Variants in RSBN1L observed in about 807,000 individuals in gnomAD.
RSBN1L encodes lysine-specific demethylase RSBN1L.
RSBN1L carries 30 observed loss-of-function variants against 67.7 expected under a neutral mutation model. The observed-to-expected ratio is 0.44, with a 90% CI of 0.33 to 0.60. The LOEUF (loss-of-function observed/expected upper bound fraction) is 0.60. RSBN1L is among the 20% of genes least tolerant of loss of function. The pLI, the probability that RSBN1L is intolerant of heterozygous loss-of-function variation, is 0.02. For synonymous variants in RSBN1L, 433 were observed against 387.0 expected, an observed-to-expected ratio of 1.12 and a Z score of -1.39; for missense variants, 992 against 1,031.7, an observed-to-expected ratio of 0.96 and a Z score of 0.53.
intron 2 of RSBN1L, among the ~76,000 whole-genome samples, chr7:77,743,804 A>G (rs1302805242): frequency 2.0e-5 from 3 of 151,956 alleles, no homozygotes; most frequent in Non-Finnish European, 4.4e-5. Flanking sequence ...GTTAAATTCT[A>G]TTTTTTATTG....
At position 77,778,960 on chromosome 7, in the gene RSBN1L, T is replaced by C; in HGVS notation, c.2333T>C (p.Leu778Pro). 1 of 1,613,914 alleles carries C rather than the reference T, an allele frequency of 6.2e-7. No homozygotes were observed. The highest frequency in any genetic ancestry group is 1.3e-5 in the African/African-American group (1 of 75,054). Residue 778 changes from leucine (L) to proline (P), a missense_variant, in exon 8 of 8, where the codon CTG becomes CCG. This residue lies in a region of RSBN1L where 199 missense variants were observed against 167.7 expected (regional missense o/e 1.19). Transcript: ENST00000334955. ...AATATTCCTGAAAAGACTACAGCAC[T>C]GAATAATATGGATGGCAAGAATGTT... ...NVNIPEKTTA[L>P]NNMDGKNVKA...
chr7:77,730,661 C>G (rs1487306070), intron 1 of RSBN1L, among the ~76,000 whole-genome samples: 2 of 152,134 alleles, frequency 1.3e-5, no homozygotes, highest in Middle Eastern at 3.2e-3. Flanking sequence ...GTTATGTAGC[C>G]TTTTCACACT....
At chr7:77,777,865 A>G (rs1250428918) in intron 6 of RSBN1L, among the ~76,000 whole-genome samples, 1 of 152,092 alleles carries the variant, frequency 6.6e-6, no homozygotes, top group African/African-American at 2.4e-5. Context: ...GTACTTTTCC[A>G]ATGAAGTCTC....
At chr7:77,757,935 G>A (rs1046840354) in intron 3 of RSBN1L, among the ~76,000 whole-genome samples, 3 of 152,078 alleles carry the variant, frequency 2.0e-5, no homozygotes, top group African/African-American at 7.2e-5. Context: ...TGGAAAAATA[G>A]ACTCCACTTC....
chr7:77,767,825 C>A (rs1399409014), intron 4 of RSBN1L, among the ~76,000 whole-genome samples: 4 of 58,202 alleles, frequency 6.9e-5, no homozygotes, highest in Non-Finnish European at 1.1e-4. Flanking sequence ...CCCCCTCCCC[C>A]CTTCTCCCTC....
intron 1 of RSBN1L, among the ~76,000 whole-genome samples, chr7:77,715,559 G>A (rs1304187907): frequency 2.0e-5 from 3 of 152,068 alleles, no homozygotes; most frequent in East Asian, 1.9e-4. Context: ...TTCGCCTGCC[G>A]TAGCCTCTCA....
rs1351620641 is a variant in RSBN1L at position 77,766,982 on chromosome 7, A to G, written c.1482+1350A>G. Among the ~76,000 whole-genome samples the G allele has an allele frequency of 4.0e-5, 6 of 151,858 alleles. No individual in the cohort carries two copies. The East Asian group carries it at 1.2e-3, about 29-fold the overall frequency. ...GCTTCAAGTTTAATTTTCAAAGCACATGAACTAAATGCATTATTTCTCCTT... is the reference window on the plus strand; with the variant it reads ...GCTTCAAGTTTAATTTTCAAAGCACGTGAACTAAATGCATTATTTCTCCTT... On this transcript the variant is annotated intron_variant, in intron 4 of 7. Coordinates refer to ENST00000334955, the MANE Select transcript of RSBN1L (RefSeq NM_198467.3).
chr7:77,756,246 C>G (rs1016665854), intron 3 of RSBN1L, among the ~76,000 whole-genome samples: 9 of 151,942 alleles, frequency 5.9e-5, no homozygotes, highest in Admixed American at 5.2e-4. Context: ...GTTCTCCTGC[C>G]TCAACTTCCT....
At chr7:77,744,178 T>C (rs572756054) in intron 2 of RSBN1L, among the ~76,000 whole-genome samples, 3 of 152,016 alleles carry the variant, frequency 2.0e-5, no homozygotes, top group African/African-American at 7.2e-5. Flanking sequence ...ACTACGGGCA[T>C]GTACCAACAT....
intron 1 of RSBN1L, among the ~76,000 whole-genome samples, chr7:77,697,554 C>T (rs1197878772): frequency 1.3e-5 from 2 of 152,124 alleles, no homozygotes; most frequent in East Asian, 3.9e-4. Context: ...GAGGCCTGAG[C>T]TTTTCATCCC....
At chr7:77,697,963 T>C (rs569769280) in intron 1 of RSBN1L, among the ~76,000 whole-genome samples, 2 of 152,362 alleles carry the variant, frequency 1.3e-5, no homozygotes, top group East Asian at 1.9e-4. Context: ...AATCTTTATG[T>C]GATCGCAAGC....
At chr7:77,741,033 C>T (rs1158348307) in intron 2 of RSBN1L, among the ~76,000 whole-genome samples, 1 of 137,782 alleles carries the variant, frequency 7.3e-6, no homozygotes, top group Non-Finnish European at 1.5e-5. Context: ...GATACCCAGT[C>T]TGGAGTGCGA....
intron 1 of RSBN1L, among the ~76,000 whole-genome samples, chr7:77,734,383 T>C (rs1228404157): frequency 6.6e-6 from 1 of 152,184 alleles, no homozygotes; most frequent in Non-Finnish European, 1.5e-5. Context: ...TTAGGTGACT[T>C]TTTTTCAGTT....
chr7:77,713,665 CTT>C (rs751682740), intron 1 of RSBN1L, among the ~76,000 whole-genome samples: 10 of 144,802 alleles, frequency 6.9e-5, no homozygotes, highest in Non-Finnish European at 4.6e-5. Flanking sequence ...CTCTCTCTTC[CTT>C]TTTTTTTTTT....
At chr7:77,764,700 C>T (rs904744993) in intron 3 of RSBN1L, among the ~76,000 whole-genome samples, 16 of 151,920 alleles carry the variant, frequency 1.1e-4, no homozygotes, top group African/African-American at 3.9e-4. Flanking sequence ...AATCTCGGCT[C>T]ATTGCAAGCT....
chr7:77,767,842 TC>T lies in RSBN1L; in HGVS notation c.1483-818del, dbSNP rs1189124640. Reference sequence around the variant, plus strand: ...CCCTCCCCCCTTCTCCCTCCCCCCTTCTCCCTCCCCCCTCCCTCTCCTTTCA... The same window carrying T: ...CCCTCCCCCCTTCTCCCTCCCCCCTTTCCCTCCCCCCTCCCTCTCCTTTCA... On this transcript the variant is annotated intron_variant, in intron 4 of 7. Transcript: ENST00000334955. Among the ~76,000 whole-genome samples, 12 of 48,288 alleles carry T rather than the reference TC, an allele frequency of 2.5e-4. 1 individual carries two copies. Among genetic ancestry groups the T allele is most frequent in the African/African-American group, 8.5e-4 (10 of 11,812 alleles). The allele number at this position is 48,288 out of a possible 152,430, so 31.7% of individuals were successfully genotyped here.
At position 77,778,804 on chromosome 7, in the gene RSBN1L, T is replaced by C; in HGVS notation, c.2177T>C (p.Met726Thr). ...SSVLGPHTDNMICAVSKASLD... is the reference protein window; with the variant it reads ...SSVLGPHTDNTICAVSKASLD... ...GTTCTTGGACCTCACACTGACAACA[T>C]GATTTGTGCTGTAAGCAAAGCCTCC... The change falls in exon 8 of 8, where the codon ATG becomes ACG. Residue 726 changes from methionine to threonine, a missense_variant. Physicochemically the swap from Met to Thr is moderately conservative, Grantham distance 81. Around this residue, in one of 7 missense-constraint regions of RSBN1L, gnomAD observed 199 missense variants for 167.7 expected, o/e 1.19. Transcript: ENST00000334955. 6.2e-7 allele frequency: 1 copy of C among 1,614,146 alleles called. No homozygotes were observed. The highest frequency in any genetic ancestry group is 8.5e-7 in the Non-Finnish European group (1 of 1,180,012).
chr7:77,712,312 T>C (rs1345741795), intron 1 of RSBN1L, among the ~76,000 whole-genome samples: 1 of 151,958 alleles, frequency 6.6e-6, no homozygotes, highest in Admixed American at 6.6e-5. Flanking sequence ...AGACGGAGTT[T>C]CGCTCTGTTA....
intron 1 of RSBN1L, among the ~76,000 whole-genome samples, 184 bp from the exon 2 acceptor site, chr7:77,736,226 A>T (rs1791334461): frequency 6.6e-6 from 1 of 152,174 alleles, no homozygotes. Context: ...TGTATTTCAT[A>T]TTCAATAAAA....
Sources: gnomAD v4.1 joint callset for allele counts (sites outside exome capture counted in the v4.1 genomes callset) on GRCh38, gnomAD v4.1.1 for gene constraint, gnomAD v4.1.1 regional missense constraint, MANE v1.5 for transcripts, NCBI Gene and HGNC (gene_info 2026-07-23, HGNC 2026-07-21) for gene names.